PEX14: variants seen among roughly 807,000 people sequenced by gnomAD.
The protein encoded by PEX14 is peroxisomal biogenesis factor 14, also known as peroxisomal membrane protein PEX14.
Under a neutral mutation model 49.5 loss-of-function variants are expected in PEX14, and 15 were observed. The observed-to-expected ratio is 0.30, with a 90% CI of 0.20 to 0.47. The LOEUF is 0.47. Ranked by LOEUF, PEX14 falls within the 20% of genes least tolerant of loss-of-function variation. The pLI is 1.00. For synonymous variants in PEX14, 210 were observed against 212.7 expected (o/e 0.99, Z 0.11); for missense variants, 398 against 494.8 (o/e 0.80, Z 1.86).
At chr1:10,564,865 A>T (rs984137089) in intron 3 of PEX14, among the ~76,000 whole-genome samples, 1 of 150,662 alleles carries the variant, frequency 6.6e-6, no homozygotes, top group African/African-American at 2.4e-5. Context: ...TGGGTTTTTT[A>T]AATTCATTTT....
chr1:10,541,421 G>A (rs1639008377), intron 3 of PEX14, among the ~76,000 whole-genome samples: 1 of 152,222 alleles, frequency 6.6e-6, no homozygotes, highest in Admixed American at 6.5e-5. Flanking sequence ...GCAGCAGCGT[G>A]GCATCTTCCG....
chr1:10,525,481 A>G (rs976874693), intron 2 of PEX14, among the ~76,000 whole-genome samples: 5 of 152,140 alleles, frequency 3.3e-5, no homozygotes, highest in Non-Finnish European at 7.4e-5. Flanking sequence ...CTGACCACCA[A>G]CTTGTCCCTG....
chr1:10,488,277 C>G (rs941409890), intron 1 of PEX14, among the ~76,000 whole-genome samples: 2 of 152,158 alleles, frequency 1.3e-5, no homozygotes, highest in Non-Finnish European at 2.9e-5. Context: ...CTGCCTCAGC[C>G]TCCTGAGTAG....
rs912028156 is a variant in PEX14, at chr1:10,484,891, A to T, written c.36+9889A>T. 1.1e-4 allele frequency among the ~76,000 whole-genome samples: 17 copies of T among 151,724 alleles called. 1 individual carries two copies. Among genetic ancestry groups the T allele is most frequent in the African/African-American group, 4.1e-4 (17 of 41,032 alleles). ...CCTCCTCAAAGCCAGCAGAAGAGAG[A>T]GTCTCTTAGTAAAGTGGACATTACC... On this transcript the variant is annotated intron_variant, in intron 1 of 8. Coordinates refer to ENST00000356607, the MANE Select transcript of PEX14 (RefSeq NM_004565.3).
chr1:10,587,893 T>G (rs12040956), intron 3 of PEX14, among the ~76,000 whole-genome samples: 1 of 115,282 alleles, frequency 8.7e-6, no homozygotes, highest in Non-Finnish European at 1.7e-5. Context: ...TACACACATG[T>G]GCTTTTTTTT....
At chr1:10,566,659 T>A (rs1326353379) in intron 3 of PEX14, among the ~76,000 whole-genome samples, 1 of 152,028 alleles carries the variant, frequency 6.6e-6, no homozygotes, top group Non-Finnish European at 1.5e-5. Flanking sequence ...TGGCTAATTT[T>A]TTTGTTTGTT....
At chr1:10,537,494 C>T (rs2480777) in intron 3 of PEX14, among the ~76,000 whole-genome samples, 39,253 of 151,996 alleles carry the variant, frequency 0.26, 5,757 homozygotes, top group Admixed American at 0.34. Flanking sequence ...GGGATTTCAG[C>T]TCTCTCATCA....
Position 10,623,680 on chromosome 1 carries a change from A to G in PEX14, c.487+559A>G, listed in dbSNP as rs1249308879. ...GACGGCAGCTCTGAATCTAAAAACCAGAGCAAGGCCAATGAGAGAGCCACC... is the reference window on the plus strand; with the variant it reads ...GACGGCAGCTCTGAATCTAAAAACCGGAGCAAGGCCAATGAGAGAGCCACC... On this transcript the variant is annotated intron_variant, in intron 6 of 8. Transcript: ENST00000356607. This position sits in a 1 kb window ranked among gnomAD's most constrained non-coding sequence, Gnocchi z 4.4. 6.6e-6 allele frequency among the ~76,000 whole-genome samples: 1 copy of G among 152,248 alleles called. No individual in the cohort carries two copies. The highest frequency in any genetic ancestry group is 2.4e-5 in the African/African-American group (1 of 41,460).
intron 2 of PEX14, among the ~76,000 whole-genome samples, chr1:10,508,290 T>A (rs959693933): frequency 1.3e-5 from 2 of 152,050 alleles, no homozygotes; most frequent in Non-Finnish European, 2.9e-5. Flanking sequence ...GTCTGCAAGC[T>A]CCGCCTCCCG....
chr1:10,572,277 C>A (rs1386259714), intron 3 of PEX14, among the ~76,000 whole-genome samples: 1 of 152,178 alleles, frequency 6.6e-6, no homozygotes, highest in South Asian at 2.1e-4. Flanking sequence ...CTGGAGTAAT[C>A]ATACCCTTAC....
At chr1:10,581,305 C>CTT (rs71583884) in intron 3 of PEX14, among the ~76,000 whole-genome samples, 1,413 of 126,944 alleles carry the variant, frequency 0.011, 70 homozygotes, top group African/African-American at 0.04. Context: ...CTTTGTTATC[C>CTT]TTTTTTTTTT....
chr1:10,596,404 G>C (rs1284514491), intron 3 of PEX14, among the ~76,000 whole-genome samples: 1 of 152,218 alleles, frequency 6.6e-6, no homozygotes, highest in Non-Finnish European at 1.5e-5. Context: ...CAGGGGTTAA[G>C]TTCCTGTATT....
At chr1:10,488,529 T>C (rs1317439244) in intron 1 of PEX14, among the ~76,000 whole-genome samples, 1 of 152,140 alleles carries the variant, frequency 6.6e-6, no homozygotes, top group Non-Finnish European at 1.5e-5. Context: ...AGACGGAATG[T>C]CACTCTGTCG....
At chr1:10,491,770 T>G (rs1176076744) in intron 1 of PEX14, among the ~76,000 whole-genome samples, 1 of 135,694 alleles carries the variant, frequency 7.4e-6, no homozygotes, top group Non-Finnish European at 1.5e-5. Flanking sequence ...AACCTCCGCC[T>G]CCCGGGTTCA....
chr1:10,538,681 C>G (rs1638910996), intron 3 of PEX14, among the ~76,000 whole-genome samples: 1 of 152,250 alleles, frequency 6.6e-6, no homozygotes, highest in African/African-American at 2.4e-5. Context: ...CTCAGCACGG[C>G]CTGGCACCGT....
At chr1:10,624,271 T>C in intron 6 of PEX14, 69 bp from the exon 7 acceptor site, 1 of 977,810 alleles carries the variant, frequency 1.0e-6, no homozygotes, top group Non-Finnish European at 1.7e-6. Context: ...CTCCGAGGTG[T>C]GCGGACCGAG....
rs939374476 is a variant in PEX14 at position 10,572,411 on chromosome 1, A to G, written c.170-26827A>G. On this transcript the variant is annotated intron_variant, in intron 3 of 8. Coordinates refer to ENST00000356607, the MANE Select transcript of PEX14 (RefSeq NM_004565.3). ...AGGTCACAAAGCCTACTAACCATAG[A>G]ACAAAAAGGATGCTACATCAAAATC... 2.0e-5 allele frequency among the ~76,000 whole-genome samples: 3 copies of G among 152,234 alleles called. No individual in the cohort carries two copies. In the East Asian group the frequency reaches 5.8e-4, roughly 29 times the overall value.
rs1437377355 is a variant in PEX14 at position 10,539,197 on chromosome 1, G to A, written c.169+2900G>A. ...TCTGTGACTTCTGGTGGGGGTGCTG[G>A]GTGAGGGTGAGTAGGGAATGAGTGG... On this transcript the variant is annotated intron_variant, in intron 3 of 8. Coordinates refer to ENST00000356607, the MANE Select transcript of PEX14 (RefSeq NM_004565.3). The surrounding 1 kb of genome is among the most constrained non-coding windows in gnomAD (Gnocchi z 4.6). Among the ~76,000 whole-genome samples the A allele has an allele frequency of 6.6e-6, 1 of 152,082 alleles. No individual in the cohort carries two copies. Among genetic ancestry groups the A allele is most frequent in the African/African-American group, 2.4e-5 (1 of 41,396 alleles).
rs1289163835 is a variant in PEX14 at position 10,619,845 on chromosome 1, C to T, written c.384+1428C>T. 2.0e-5 allele frequency among the ~76,000 whole-genome samples: 3 copies of T among 152,182 alleles called. No individual in the cohort carries two copies. The East Asian group carries it at 5.8e-4, about 29-fold the overall frequency. On this transcript the variant is annotated intron_variant, in intron 5 of 8. Transcript: ENST00000356607. ...CAAGGGCTGGGCGCGGTGGCTCACG[C>T]CTGTAATCCCAGCACTTTGGGAGGC...
Sources: gnomAD v4.1 joint callset for allele counts (sites outside exome capture counted in the v4.1 genomes callset) on GRCh38, gnomAD v4.1.1 for gene constraint, Gnocchi (gnomAD v3.1) non-coding constraint, MANE v1.5 for transcripts, NCBI Gene and HGNC (gene_info 2026-07-23, HGNC 2026-07-21) for gene names.